Variants in PSME4 observed in about 807,000 individuals in gnomAD.
The protein encoded by PSME4 is proteasome activator subunit 4.
In PSME4, 89 loss-of-function variants were observed where a neutral mutation model predicts 253.9. The observed-to-expected ratio is 0.35, with a 90% confidence interval of 0.30 to 0.42. PSME4 has a LOEUF of 0.42. PSME4 is among the 10% of genes least tolerant of loss of function. The pLI is 1.00. For synonymous variants in PSME4, 851 were observed against 759.2 expected, an observed-to-expected ratio of 1.12 and a Z score of -1.99; for missense variants, 2,014 against 2,195.2, an observed-to-expected ratio of 0.92 and a Z score of 1.65.
chr2:53,927,531 G>A, intron 11 of PSME4, 48 bp from the exon 12 acceptor site: 1 of 1,272,158 alleles, frequency 7.9e-7, no homozygotes, highest in Non-Finnish European at 1.1e-6. Flanking sequence ...TTCTAATTCA[G>A]AAATACAAGT....
At chr2:53,953,486 T>C (rs1157724618) in intron 1 of PSME4, among the ~76,000 whole-genome samples, 6 of 18,046 alleles carry the variant, frequency 3.3e-4, no homozygotes, top group Non-Finnish European at 6.6e-4. Flanking sequence ...CCCATGTCTA[T>C]TAAAAAAAAA....
intron 10 of PSME4, among the ~76,000 whole-genome samples, chr2:53,931,385 G>T (rs1181840369): frequency 6.6e-6 from 1 of 152,048 alleles, no homozygotes; most frequent in Non-Finnish European, 1.5e-5. Flanking sequence ...AAAACACAAT[G>T]AATAAAATAA....
intron 21 of PSME4, among the ~76,000 whole-genome samples, chr2:53,909,687 G>T (rs551861756): frequency 6.6e-6 from 1 of 152,264 alleles, no homozygotes; most frequent in Admixed American, 6.5e-5. Context: ...AGGCCGGGCA[G>T]GGTGGCTCAC....
intron 1 of PSME4, among the ~76,000 whole-genome samples, chr2:53,954,476 A>G (rs1470353692): frequency 1.3e-5 from 2 of 152,230 alleles, no homozygotes; most frequent in Admixed American, 1.3e-4. Flanking sequence ...CCTCATCTCT[A>G]TTATACATAT....
chr2:53,904,323 T>C (rs1680548490), intron 26 of PSME4, among the ~76,000 whole-genome samples, 167 bp from the exon 27 acceptor site: 2 of 152,240 alleles, frequency 1.3e-5, no homozygotes, highest in East Asian at 1.9e-4. Context: ...TCTTTACTTA[T>C]ATCAAAAGGA....
chr2:53,934,465 G>C, intron 8 of PSME4, 140 bp downstream of exon 8: 2 of 803,132 alleles, frequency 2.5e-6, no homozygotes, highest in East Asian at 2.6e-5. Flanking sequence ...ATAAACATGA[G>C]CTTGCTAAAT....
intron 43 of PSME4, among the ~76,000 whole-genome samples, chr2:53,873,619 C>T (rs555122485): frequency 2.0e-5 from 3 of 152,182 alleles, no homozygotes; most frequent in African/African-American, 7.2e-5. Context: ...TGTAACCTCA[C>T]CACAAAAGTT....
chr2:53,956,417 C>T (rs1221615684), intron 1 of PSME4, among the ~76,000 whole-genome samples: 1 of 151,690 alleles, frequency 6.6e-6, no homozygotes, highest in Non-Finnish European at 1.5e-5. Flanking sequence ...ATAATCCCAG[C>T]TACTCGGGGG....
At chr2:53,910,302 C>T (rs1274439210) in intron 20 of PSME4, among the ~76,000 whole-genome samples, 172 bp from the exon 21 acceptor site, 1 of 152,162 alleles carries the variant, frequency 6.6e-6, no homozygotes, top group Non-Finnish European at 1.5e-5. Flanking sequence ...AAGATGAATG[C>T]TGTTTCAGTA....
intron 1 of PSME4, among the ~76,000 whole-genome samples, chr2:53,950,611 G>T (rs543758184): frequency 1.3e-5 from 2 of 152,014 alleles, no homozygotes; most frequent in East Asian, 3.9e-4. Context: ...GGAGGCCGAC[G>T]TGGGTGGATT....
intron 23 of PSME4, 42 bp from the exon 24 acceptor site, chr2:53,908,460 C>A (rs568651606): frequency 6.2e-7 from 1 of 1,611,954 alleles, no homozygotes; most frequent in African/African-American, 1.3e-5. Flanking sequence ...AGTCATCAAT[C>A]CAAGCTTGAT....
At chr2:53,889,462 C>T (rs1359279906) in intron 37 of PSME4, among the ~76,000 whole-genome samples, 13 of 152,006 alleles carry the variant, frequency 8.6e-5, no homozygotes, top group Admixed American at 6.6e-4. Context: ...TCACTATAGA[C>T]ACAACCATCC....
chr2:53,927,257 G>A (rs1668597211), intron 12 of PSME4, 137 bp downstream of exon 12: 1 of 635,620 alleles, frequency 1.6e-6, no homozygotes, highest in Non-Finnish European at 2.7e-6. Flanking sequence ...TGATGTCCTG[G>A]CCCTCCATAT....
chr2:53,891,872 A>AAGAG (rs1310690301), intron 36 of PSME4, among the ~76,000 whole-genome samples: 1 of 151,814 alleles, frequency 6.6e-6, no homozygotes, highest in Non-Finnish European at 1.5e-5. Context: ...AAAAAAAAAA[A>AAGAG]AGAGAAGACA....
intron 41 of PSME4, among the ~76,000 whole-genome samples, chr2:53,883,073 G>T (rs1679471669): frequency 6.6e-6 from 1 of 152,082 alleles, no homozygotes; most frequent in Non-Finnish European, 1.5e-5. Flanking sequence ...AATGGTAATG[G>T]TAGTTTATGA....
chr2:53,920,804 C>T, intron 18 of PSME4, 85 bp downstream of exon 18: 1 of 1,126,530 alleles, frequency 8.9e-7, no homozygotes, highest in Non-Finnish European at 1.3e-6. Flanking sequence ...AAAAAACTAA[C>T]ATATGCAAGA....
intron 10 of PSME4, among the ~76,000 whole-genome samples, chr2:53,931,280 A>T (rs1668818732): frequency 6.6e-6 from 1 of 152,182 alleles, no homozygotes; most frequent in Admixed American, 6.5e-5. Context: ...CAAAAAAAAA[A>T]GAAAAGTAGC....
At chr2:53,953,668 C>T (rs1225732536) in intron 1 of PSME4, among the ~76,000 whole-genome samples, 10 of 151,140 alleles carry the variant, frequency 6.6e-5, no homozygotes, top group African/African-American at 2.2e-4. Flanking sequence ...TACCAATCTT[C>T]ATTTTTTAGA....
intron 19 of PSME4, 63 bp downstream of exon 19, chr2:53,920,130 T>C (rs1225302463): frequency 7.1e-7 from 1 of 1,413,388 alleles, no homozygotes; most frequent in Non-Finnish European, 9.5e-7. Flanking sequence ...ATGCCACAGA[T>C]AAAGCCAAAA....
Sources: allele counts gnomAD v4.1 joint callset (sites outside exome capture counted in the v4.1 genomes callset), GRCh38; gene constraint gnomAD v4.1.1; transcripts MANE v1.5; gene names NCBI Gene and HGNC (gene_info 2026-07-23, HGNC 2026-07-21).